The following GRM1 variants were observed in gnomAD, a reference collection of about 807,000 sequenced individuals.
GRM1 encodes the protein glutamate metabotropic receptor 1.
Under a neutral mutation model 90.9 loss-of-function variants are expected in GRM1, and 33 were observed. The observed-to-expected ratio is 0.36, with a 90% CI of 0.28 to 0.49. The LOEUF (loss-of-function observed/expected upper bound fraction) is 0.49. Among genes scored for constraint, GRM1 ranks in the 20% least tolerant of loss-of-function variants. The pLI, the probability that GRM1 is intolerant of heterozygous loss-of-function variation, is 0.99. For missense variants in GRM1, 1,190 were observed against 1,534.3 expected (o/e 0.78, Z 3.75); for synonymous variants, 700 against 613.2 (o/e 1.14, Z -2.09).
At chr6:146,288,114 T>G (rs1311669002) in intron 2 of GRM1, among the ~76,000 whole-genome samples, 3 of 152,142 alleles carry the variant, frequency 2.0e-5, no homozygotes, top group Non-Finnish European at 4.4e-5. Flanking sequence ...TTAAGGAACA[T>G]GATAGAAATG....
chr6:146,383,549 A>AT (rs747082997), intron 5 of GRM1, among the ~76,000 whole-genome samples: 11 of 152,056 alleles, frequency 7.2e-5, no homozygotes, highest in Non-Finnish European at 1.5e-4. Flanking sequence ...ATAGGTGTGA[A>AT]TTTTTTCAGA....
chr6:146,389,185 CTGTT>C (rs1156263534), intron 6 of GRM1, among the ~76,000 whole-genome samples: 3 of 152,032 alleles, frequency 2.0e-5, no homozygotes, highest in Admixed American at 2.0e-4. Flanking sequence ...TTCCACTCAT[CTGTT>C]TGACTGAGAT....
At chr6:146,267,217 C>A (rs1781922623) in intron 2 of GRM1, among the ~76,000 whole-genome samples, 1 of 152,192 alleles carries the variant, frequency 6.6e-6, no homozygotes. Flanking sequence ...AGGCCATGAT[C>A]TCATTCCTTC....
Position 146,257,799 on chromosome 6 carries a change from T to C in GRM1, c.951-46812T>C, listed in dbSNP as rs762889952. Among the ~76,000 whole-genome samples the C allele has an allele frequency of 2.0e-5, 3 of 152,064 alleles. No individual in the cohort carries two copies. The East Asian group carries it at 5.8e-4, about 29-fold the overall frequency. The stretch of plus-strand genomic sequence containing the variant: ...ATGGATTGCAGGATGCCTACCCACA[T>C]TGGGGAGCAATCTGCCTACTGATTC... On this transcript the variant is annotated intron_variant, in intron 2 of 7. Coordinates refer to ENST00000282753, the MANE Select transcript of GRM1 (RefSeq NM_001278064.2).
chr6:146,105,030 T>A (rs1777180757), intron 1 of GRM1, among the ~76,000 whole-genome samples: 1 of 152,238 alleles, frequency 6.6e-6, no homozygotes, highest in Non-Finnish European at 1.5e-5. Context: ...AGTGATTTTT[T>A]ATGGATATTT....
rs374235944 is a variant in GRM1, at chr6:146,297,142, T to A, written c.951-7469T>A. The stretch of plus-strand genomic sequence containing the variant: ...GAATATCTGCATTAACTTAGTTGAC[T>A]ACATTGTGAAACGTGTAAACAATTT... On this transcript the variant is annotated intron_variant, in intron 2 of 7. Coordinates refer to ENST00000282753, the MANE Select transcript of GRM1 (RefSeq NM_001278064.2). 6.6e-5 allele frequency among the ~76,000 whole-genome samples: 10 copies of A among 152,302 alleles called. 1 individual carries two copies. In the South Asian group the frequency reaches 2.1e-3, roughly 32 times the overall value.
intron 4 of GRM1, among the ~76,000 whole-genome samples, chr6:146,354,946 G>A (rs2115047933): frequency 1.3e-5 from 2 of 150,532 alleles, no homozygotes; most frequent in African/African-American, 4.8e-5. Flanking sequence ...AAAAAAATGT[G>A]TTTTATACCA....
intron 2 of GRM1, among the ~76,000 whole-genome samples, chr6:146,242,374 T>TA (rs1780897016): frequency 6.6e-6 from 1 of 152,054 alleles, no homozygotes; most frequent in African/African-American, 2.4e-5. Context: ...CTAAGTAATA[T>TA]AGGATTGATG....
chr6:146,161,781 G>A lies in GRM1; in HGVS notation c.950+2184G>A, dbSNP rs73783605. ...CAAAATGGTGTTGGCGTTTAATCTC[G>A]AATCTTAGAGAATTTTAATGAAAGC... is the stretch of plus-strand genomic sequence containing the variant. On this transcript the variant is annotated intron_variant, in intron 2 of 7. Coordinates refer to ENST00000282753, the MANE Select transcript of GRM1 (RefSeq NM_001278064.2). Among the ~76,000 whole-genome samples the A allele has an allele frequency of 9.1e-4, 138 of 152,226 alleles. 1 individual carries two copies. The highest frequency in any genetic ancestry group is 3.1e-3 in the African/African-American group (129 of 41,544).
intron 1 of GRM1, among the ~76,000 whole-genome samples, chr6:146,157,945 A>G (rs1238652163): frequency 3.3e-5 from 5 of 152,306 alleles, no homozygotes; most frequent in African/African-American, 9.6e-5. Flanking sequence ...ATTTGAAGAG[A>G]GAAGAGTAAG....
chr6:146,181,248 AAC>A (rs1351617013), intron 2 of GRM1, among the ~76,000 whole-genome samples: 1 of 151,912 alleles, frequency 6.6e-6, no homozygotes, highest in Non-Finnish European at 1.5e-5. Context: ...TTAAAAAAAA[AAC>A]AAAAAAAACC....
intron 2 of GRM1, among the ~76,000 whole-genome samples, chr6:146,278,628 A>ACAAAATT (rs1782458221): frequency 6.6e-6 from 1 of 152,108 alleles, no homozygotes; most frequent in African/African-American, 2.4e-5. Flanking sequence ...ATACAAAAAT[A>ACAAAATT]CAAAAATTAG....
chr6:146,131,694 T>C (rs1419894467), intron 1 of GRM1, among the ~76,000 whole-genome samples: 1 of 152,142 alleles, frequency 6.6e-6, no homozygotes, highest in African/African-American at 2.4e-5. Flanking sequence ...AGTTATTGAA[T>C]GGAAACTTTG....
intron 2 of GRM1, among the ~76,000 whole-genome samples, chr6:146,268,609 T>C (rs1312134633): frequency 6.6e-6 from 1 of 152,192 alleles, no homozygotes; most frequent in Non-Finnish European, 1.5e-5. Context: ...TATAAAATAC[T>C]CTATTAAAAT....
intron 2 of GRM1, among the ~76,000 whole-genome samples, chr6:146,290,184 G>C (rs1194647420): frequency 2.6e-5 from 4 of 152,124 alleles, no homozygotes; most frequent in Non-Finnish European, 5.9e-5. Context: ...GGTCATACAA[G>C]GGGCTCTTTG....
chr6:146,183,390 A>G (rs145039419), intron 2 of GRM1, among the ~76,000 whole-genome samples: 333 of 152,330 alleles, frequency 2.2e-3, no homozygotes, highest in African/African-American at 7.6e-3. Context: ...TTATTTAACA[A>G]TAGGAGAATA....
intron 1 of GRM1, among the ~76,000 whole-genome samples, chr6:146,036,655 C>T (rs1374924745): frequency 6.6e-6 from 1 of 151,856 alleles, no homozygotes; most frequent in African/African-American, 2.4e-5. Flanking sequence ...AATTGCTTCT[C>T]AGAAATCTCC....
At chr6:146,176,067 G>T (rs1194300906) in intron 2 of GRM1, among the ~76,000 whole-genome samples, 1 of 152,026 alleles carries the variant, frequency 6.6e-6, no homozygotes, top group Non-Finnish European at 1.5e-5. Flanking sequence ...TGTTTAGCTA[G>T]CTTTTGAAAC....
intron 2 of GRM1, among the ~76,000 whole-genome samples, chr6:146,254,297 T>C (rs1455406215): frequency 6.6e-6 from 1 of 152,066 alleles, no homozygotes. Context: ...GGAGAGAGTA[T>C]CAAATTGGCA....
Sources: allele counts gnomAD v4.1 joint callset (sites outside exome capture counted in the v4.1 genomes callset), GRCh38; gene constraint gnomAD v4.1.1; transcripts MANE v1.5; gene names NCBI Gene and HGNC (gene_info 2026-07-23, HGNC 2026-07-21).